CEP164: variants seen among roughly 807,000 people sequenced by gnomAD.
CEP164 encodes centrosomal protein 164, also known as centrosomal protein of 164 kDa.
In CEP164, 162 loss-of-function variants were observed where a neutral mutation model predicts 182.7. The ratio of observed to expected loss-of-function variants is 0.89; its 90% CI spans 0.78 to 1.01. CEP164 has a LOEUF of 1.01. Among genes scored for constraint, CEP164 ranks in the 50% least tolerant of loss-of-function variants. CEP164 has a pLI of 0.00. For missense variants in CEP164, 1,735 were observed against 1,790.4 expected (o/e 0.97, Z 0.56); for synonymous variants, 661 against 690.0 (o/e 0.96, Z 0.66).
At chr11:117,383,060 T>C in intron 14 of CEP164, 118 bp downstream of exon 14, 2 of 1,172,760 alleles carry the variant, frequency 1.7e-6, no homozygotes, top group Non-Finnish European at 2.4e-6. Flanking sequence ...GGTTAGAGTG[T>C]AGGGAGATTA....
At chr11:117,395,988 C>T (rs910592745) in intron 24 of CEP164, 66 bp from the exon 25 acceptor site, 1 of 1,601,278 alleles carries the variant, frequency 6.2e-7, no homozygotes, top group African/African-American at 1.3e-5. Flanking sequence ...ATGGTTCTGA[C>T]CCACTTCACC....
intron 11 of CEP164, among the ~76,000 whole-genome samples, chr11:117,379,660 G>T (rs960077501): frequency 7.2e-5 from 11 of 152,116 alleles, no homozygotes; most frequent in African/African-American, 2.7e-4. Context: ...AGCCCTGTGA[G>T]TTGCAGTTTG....
In CEP164 at chr11:117,408,991, T is replaced by A. The variant is rs756518173; in HGVS notation, c.3711T>A (p.Phe1237Leu). ...DSLSSESSESFSPPHREWWRQ... is the reference protein window; with the variant it reads ...DSLSSESSESLSPPHREWWRQ... ...TGAGCAGTGAAAGTTCTGAATCTTT[T>A]TCCCCGCCTCACCGTGAGTGGTGGC... The change falls in exon 29 of 33, where the codon TTT becomes TTA. Residue 1237 changes from phenylalanine to leucine, a missense_variant. Coordinates refer to ENST00000278935, the MANE Select transcript of CEP164 (RefSeq NM_014956.5). 8 of 1,613,960 alleles carry A rather than the reference T, an allele frequency of 5.0e-6. No homozygotes were observed. In the African/African-American group the frequency reaches 1.1e-4, roughly 22 times the overall value.
Position 117,382,796 on chromosome 11 carries a change from G to A in CEP164, c.1578G>A (p.Arg526=), listed in dbSNP as rs1461124985. 5.6e-6 allele frequency: 9 copies of A among 1,613,926 alleles called. No homozygotes were observed. The highest frequency in any genetic ancestry group is 6.8e-6 in the Non-Finnish European group (8 of 1,179,938). ...CAGTTGTTTCCTTACTGCTATCAAG[G>A]GAGCAGGCCCCAAGCCCACCTGCTG... is the stretch of plus-strand genomic sequence containing the variant. The part of the protein sequence containing the change: ...ASLSLQLSLQ[R]EQAPSPPAAC... The change falls in exon 14 of 33, where the codon AGG becomes AGA. Residue 526 remains arginine, a splice_region_variant and synonymous_variant. Transcript: ENST00000278935.
intron 14 of CEP164, among the ~76,000 whole-genome samples, chr11:117,384,096 C>T (rs1228797172): frequency 6.6e-6 from 1 of 152,196 alleles, no homozygotes; most frequent in Non-Finnish European, 1.5e-5. Context: ...AGTCTGCAGC[C>T]ACTGTTCCTT....
Position 117,382,819 on chromosome 11 carries a change from C to T in CEP164, c.1601C>T (p.Ala534Val). ...LQREQAPSPP[A>V]ACEKGKEQHS... is the part of the protein sequence containing the mutation. ...AGGGAGCAGGCCCCAAGCCCACCTG[C>T]TGCCTGTGAGAAGGGCAAGGAGCAG... The change falls in exon 14 of 33, where the codon GCT (alanine) becomes GTT (valine). Residue 534 changes from alanine to valine, a missense_variant. Physicochemically the swap from Ala to Val is moderately conservative, Grantham distance 64. Transcript: ENST00000278935. 1.2e-6 allele frequency: 2 copies of T among 1,614,152 alleles called. No homozygotes were observed. The highest frequency in any genetic ancestry group is 2.2e-5 in the South Asian group (2 of 91,086).
At chr11:117,403,935 T>A (rs1460183456) in intron 27 of CEP164, among the ~76,000 whole-genome samples, 1 of 151,956 alleles carries the variant, frequency 6.6e-6, no homozygotes, top group East Asian at 1.9e-4. Flanking sequence ...TTCTTCTGCT[T>A]GATTGATGCA....
chr11:117,376,356 C>T (rs893454403), intron 11 of CEP164, among the ~76,000 whole-genome samples: 1 of 152,172 alleles, frequency 6.6e-6, no homozygotes, highest in Non-Finnish European at 1.5e-5. Context: ...TGTCTGTCTC[C>T]CCTGCCAGAT....
intron 1 of CEP164, among the ~76,000 whole-genome samples, chr11:117,329,413 C>T (rs75013797): frequency 0.017 from 2,513 of 152,284 alleles, 32 homozygotes; most frequent in Non-Finnish European, 0.026. Flanking sequence ...TGTCTTGCCA[C>T]TCCTCCCACT....
Position 117,392,275 on chromosome 11 carries a change from G to A in CEP164, c.2333G>A (p.Cys778Tyr), listed in dbSNP as rs1170525162. 1.2e-6 allele frequency: 2 copies of A among 1,611,658 alleles called. No individual in the cohort carries two copies. ...KEHSAELERL[C>Y]SSLEAKHREV... is the part of the protein sequence containing the mutation. ...CACAGTGCTGAGCTGGAGCGGCTCT[G>A]CTCCTCATTGGAGGCCAAGCACCGG... Residue 778 changes from cysteine (C) to tyrosine (Y), a missense_variant, in exon 18 of 33, where the codon TGC becomes TAC. Transcript: ENST00000278935.
Position 117,387,245 on chromosome 11 carries a change from G to T in CEP164, c.1767G>T (p.Glu589Asp). Reference sequence around the variant, plus strand: ...TGGCTCCCCCAGAGCAGCTCTCAGAGGCTGCACTAAAGGCCATGGAAGAGG... The same window carrying T: ...TGGCTCCCCCAGAGCAGCTCTCAGATGCTGCACTAAAGGCCATGGAAGAGG... The part of the protein sequence containing the change: ...EPVAPPEQLS[E>D]AALKAMEEAV... The change falls in exon 15 of 33, where the codon GAG (glutamate) becomes GAT (aspartate). Residue 589 changes from glutamate (E) to aspartate (D), a missense_variant. Physicochemically the swap from Glu to Asp is conservative, Grantham distance 45. Transcript: ENST00000278935. 1 of 1,614,196 alleles carries T rather than the reference G, an allele frequency of 6.2e-7. No homozygotes were observed. The highest frequency in any genetic ancestry group is 8.5e-7 in the Non-Finnish European group (1 of 1,180,014).
At chr11:117,348,579 A>G (rs560032822) in intron 4 of CEP164, among the ~76,000 whole-genome samples, 3 of 152,230 alleles carry the variant, frequency 2.0e-5, no homozygotes, top group Non-Finnish European at 2.9e-5. Flanking sequence ...TTTGGTTTAT[A>G]CTTTCTTTTG....
At chr11:117,355,180 T>G (rs774570545) in intron 5 of CEP164, 1 of 1,289,818 alleles carries the variant, frequency 7.8e-7, no homozygotes, top group East Asian at 5.5e-5. Flanking sequence ...AGGTCTTTGC[T>G]GACATGGAGA....
intron 9 of CEP164, 26 bp from the exon 10 acceptor site, chr11:117,373,725 A>G: frequency 6.2e-7 from 1 of 1,606,074 alleles, no homozygotes; most frequent in Non-Finnish European, 8.5e-7. Flanking sequence ...GCTCTGAGGG[A>G]TTTCTCTGTG....
Position 117,409,420 on chromosome 11 carries a change from T to C in CEP164, c.3749-198T>C. ...CAGCACCTTGCCCTGGAAACCTGTT[T>C]CTCATGGCCAGCTTCTCACTTGCAC... is the stretch of plus-strand genomic sequence containing the variant. On this transcript the variant is annotated intron_variant, in intron 29 of 32. Transcript: ENST00000278935. This position sits in a 1 kb window ranked among gnomAD's most constrained non-coding sequence, Gnocchi z 4.4. The C allele has an allele frequency of 3.3e-6, 2 of 601,632 alleles. No individual in the cohort carries two copies. The highest frequency in any genetic ancestry group is 2.2e-5 in the South Asian group (1 of 45,046). 37.3% of individuals were successfully genotyped at this position (601,632 alleles called of 1,614,324 possible).
chr11:117,401,687 T>C (rs954777224), intron 27 of CEP164, among the ~76,000 whole-genome samples: 3 of 152,222 alleles, frequency 2.0e-5, no homozygotes, highest in African/African-American at 7.2e-5. Context: ...ATTCAACTTC[T>C]TTCTGGTTTA....
chr11:117,336,312 C>G (rs1407550757), intron 2 of CEP164: 15 of 1,508,246 alleles, frequency 9.9e-6, no homozygotes, highest in Admixed American at 8.4e-5. Flanking sequence ...TCTGCATCTT[C>G]TTGTCCGCTG....
At chr11:117,389,816 T>G (rs897307478) in intron 15 of CEP164, among the ~76,000 whole-genome samples, 1 of 151,920 alleles carries the variant, frequency 6.6e-6, no homozygotes, top group African/African-American at 2.4e-5. Context: ...TGAAAGAATG[T>G]GGAATCTGGT....
chr11:117,339,056 G>A (rs543498442), intron 3 of CEP164, among the ~76,000 whole-genome samples: 40 of 152,216 alleles, frequency 2.6e-4, no homozygotes, highest in Non-Finnish European at 4.7e-4. Flanking sequence ...GACCTCAAGC[G>A]GTTTGCCTGC....
Sources: allele counts gnomAD v4.1 joint callset (sites outside exome capture counted in the v4.1 genomes callset), GRCh38; gene constraint gnomAD v4.1.1; non-coding constraint Gnocchi (gnomAD v3.1); transcripts MANE v1.5; gene names NCBI Gene and HGNC (gene_info 2026-07-23, HGNC 2026-07-21).